Variants in C1orf21 observed in about 807,000 individuals in gnomAD.
C1orf21 encodes the protein uncharacterized protein C1orf21.
C1orf21 carries 3 observed loss-of-function variants against 18.7 expected under a neutral mutation model. That is an observed-to-expected ratio of 0.16 (90% confidence interval 0.07 to 0.42). C1orf21 has a LOEUF of 0.42. C1orf21 is among the 10% of genes least tolerant of loss of function. C1orf21 has a pLI of 0.99. For synonymous variants in C1orf21, 41 were observed against 46.4 expected (o/e 0.88, Z 0.47); for missense variants, 104 against 143.6 (o/e 0.72, Z 1.41).
chr1:184,416,530 CA>C (rs1173738023), intron 1 of C1orf21, among the ~76,000 whole-genome samples: 1 of 151,948 alleles, frequency 6.6e-6, no homozygotes, highest in Non-Finnish European at 1.5e-5. Context: ...TAAAAAAAAG[CA>C]AAAATGTCCA....
intron 1 of C1orf21, among the ~76,000 whole-genome samples, chr1:184,406,469 A>T (rs1353606794): frequency 6.6e-6 from 1 of 152,188 alleles, no homozygotes; most frequent in East Asian, 1.9e-4. Flanking sequence ...AGTTTGTGGT[A>T]GGCTATTTAT....
chr1:184,530,020 T>C (rs1422714388), intron 3 of C1orf21, among the ~76,000 whole-genome samples: 3 of 152,216 alleles, frequency 2.0e-5, no homozygotes, highest in Non-Finnish European at 4.4e-5. Context: ...TTAAAATATC[T>C]TACAAGGGTG....
rs776400366 is a variant in C1orf21, at chr1:184,598,408, A to G, written c.274A>G (p.Ile92Val). 6 of 1,613,742 alleles carry G rather than the reference A, an allele frequency of 3.7e-6. No individual in the cohort carries two copies. Among genetic ancestry groups the G allele is most frequent in the African/African-American group, 2.7e-5 (2 of 74,922 alleles). Residue 92 changes from isoleucine to valine, a missense_variant, in exon 5 of 6, where the codon ATC becomes GTC. Transcript: ENST00000235307. ...CTACCCTTTGTTTTTCAGCATGCAC[A>G]TCTCTGAAAGCCAACAAGAATTCTT... ...LVHQPRANMH[I>V]SESQQEFFRM...
At chr1:184,466,066 T>C (rs1426510700) in intron 1 of C1orf21, among the ~76,000 whole-genome samples, 3 of 152,224 alleles carry the variant, frequency 2.0e-5, no homozygotes, top group Admixed American at 1.3e-4. Flanking sequence ...TGTTCACTAA[T>C]AGCGCTACTT....
chr1:184,425,501 A>G (rs778714660), intron 1 of C1orf21, among the ~76,000 whole-genome samples: 26 of 151,864 alleles, frequency 1.7e-4, no homozygotes, highest in African/African-American at 5.3e-4. Flanking sequence ...GGCTCAAGCA[A>G]TTTTCCCATC....
At chr1:184,562,264 T>G (rs1336896587) in intron 3 of C1orf21, among the ~76,000 whole-genome samples, 3 of 152,136 alleles carry the variant, frequency 2.0e-5, no homozygotes, top group Non-Finnish European at 4.4e-5. Context: ...AAGAAAAAAA[T>G]TATATTTGAC....
At chr1:184,529,814 C>T (rs1279735994) in intron 3 of C1orf21, among the ~76,000 whole-genome samples, 3 of 152,136 alleles carry the variant, frequency 2.0e-5, no homozygotes, top group African/African-American at 7.2e-5. Context: ...TATCTTTTTA[C>T]CTTTGAATGC....
intron 3 of C1orf21, among the ~76,000 whole-genome samples, chr1:184,534,777 ACT>A (rs1260043585): frequency 6.6e-6 from 1 of 152,064 alleles, no homozygotes; most frequent in African/African-American, 2.4e-5. Context: ...TGAACAGGTA[ACT>A]CTGTAGAGGT....
chr1:184,471,421 GTAAA>G (rs1172350846), intron 1 of C1orf21, among the ~76,000 whole-genome samples: 12 of 152,184 alleles, frequency 7.9e-5, no homozygotes, highest in African/African-American at 2.9e-4. Flanking sequence ...AACAAAGAGT[GTAAA>G]TAAATTGAAT....
At chr1:184,447,688 C>T (rs1185390924) in intron 1 of C1orf21, among the ~76,000 whole-genome samples, 1 of 152,136 alleles carries the variant, frequency 6.6e-6, no homozygotes, top group Non-Finnish European at 1.5e-5. Flanking sequence ...TCTGTCTTCT[C>T]GTTATTTGGT....
intron 3 of C1orf21, among the ~76,000 whole-genome samples, chr1:184,541,305 G>GT (rs1431208332): frequency 1.6e-4 from 24 of 152,096 alleles, no homozygotes; most frequent in Middle Eastern, 6.4e-3. Context: ...GGACCCCTAG[G>GT]TTTTATTTTT....
At chr1:184,503,773 A>G (rs1179325632) in intron 2 of C1orf21, among the ~76,000 whole-genome samples, 2 of 152,230 alleles carry the variant, frequency 1.3e-5, no homozygotes, top group Non-Finnish European at 2.9e-5. Flanking sequence ...CAAGCTTTGC[A>G]GATAGAAGAT....
chr1:184,519,027 G>GT (rs1658268791), intron 3 of C1orf21, among the ~76,000 whole-genome samples: 1 of 152,064 alleles, frequency 6.6e-6, no homozygotes, highest in South Asian at 2.1e-4. Context: ...CTAGCTGGGT[G>GT]TTTTTTTCCT....
chr1:184,389,975 A>G lies in C1orf21; in HGVS notation c.-125+2607A>G, dbSNP rs78985365. On this transcript the variant is annotated intron_variant, in intron 1 of 5. Transcript: ENST00000235307. ...TTGTGTAGCTCACATGTTTAAGTACAGAGGTCTTGGGGTTCTGTATCCTTT... is the reference window on the plus strand; with the variant it reads ...TTGTGTAGCTCACATGTTTAAGTACGGAGGTCTTGGGGTTCTGTATCCTTT... 6.2e-3 allele frequency among the ~76,000 whole-genome samples: 944 copies of G among 152,344 alleles called. 11 individuals carry two copies. The highest frequency in any genetic ancestry group is 6.9e-3 in the Non-Finnish European group (471 of 68,036).
At chr1:184,434,436 C>T (rs544686605) in intron 1 of C1orf21, among the ~76,000 whole-genome samples, 1 of 152,294 alleles carries the variant, frequency 6.6e-6, no homozygotes, top group African/African-American at 2.4e-5. Context: ...ATGCTAGGCA[C>T]TGTTTCAGAC....
rs956550830 is a variant in C1orf21, at chr1:184,624,121, G to A, written c.*4565G>A. ...AAATGCCCATGTTGAAAGAAGGAAA[G>A]ATGTCATTCAAGTATTTTTCAAATT... On this transcript the variant is annotated 3_prime_UTR_variant, in exon 6 of 6. Coordinates refer to ENST00000235307, the MANE Select transcript of C1orf21 (RefSeq NM_030806.4). 1.3e-5 allele frequency: 2 copies of A among 152,618 alleles called. No homozygotes were observed. Among genetic ancestry groups the A allele is most frequent in the Non-Finnish European group, 2.9e-5 (2 of 68,030 alleles). The allele number at this position is 152,618 out of a possible 1,614,324, so 9.5% of individuals were successfully genotyped here.
At chr1:184,498,634 T>C (rs1657928339) in intron 2 of C1orf21, among the ~76,000 whole-genome samples, 1 of 152,206 alleles carries the variant, frequency 6.6e-6, no homozygotes, top group African/African-American at 2.4e-5. Context: ...TTTCATTGAT[T>C]TCATATACAA....
chr1:184,536,800 A>G (rs922244849), intron 3 of C1orf21, among the ~76,000 whole-genome samples: 1 of 151,686 alleles, frequency 6.6e-6, no homozygotes, highest in African/African-American at 2.4e-5. Flanking sequence ...AGCAGGGGTG[A>G]CCTTGTAAAT....
At chr1:184,431,785 C>A (rs1420990574) in intron 1 of C1orf21, among the ~76,000 whole-genome samples, 1 of 151,736 alleles carries the variant, frequency 6.6e-6, no homozygotes, top group Non-Finnish European at 1.5e-5. Context: ...AAAAAACAAA[C>A]AACCTCATCA....
Sources: allele counts gnomAD v4.1 joint callset (sites outside exome capture counted in the v4.1 genomes callset), GRCh38; gene constraint gnomAD v4.1.1; transcripts MANE v1.5; gene names NCBI Gene and HGNC (gene_info 2026-07-23, HGNC 2026-07-21).